The following RYK variants were observed in gnomAD, a reference collection of about 807,000 sequenced individuals.
RYK encodes receptor like tyrosine kinase.
A neutral mutation model predicts 70.2 loss-of-function variants in RYK; 21 were observed. The ratio of observed to expected loss-of-function variants is 0.30; its 90% confidence interval spans 0.21 to 0.43. The LOEUF (loss-of-function observed/expected upper bound fraction) is 0.43, where lower values mean the gene tolerates loss of function less well. Ranked by LOEUF, RYK falls within the 20% of genes least tolerant of loss-of-function variation. RYK has a pLI of 1.00. For synonymous variants in RYK, 267 were observed against 278.0 expected, an observed-to-expected ratio of 0.96 and a Z score of 0.39; for missense variants, 604 against 753.3, an observed-to-expected ratio of 0.80 and a Z score of 2.32.
chr3:134,186,109 C>T (rs2013450535), intron 9 of RYK, among the ~76,000 whole-genome samples: 1 of 152,020 alleles, frequency 6.6e-6, no homozygotes, highest in Non-Finnish European at 1.5e-5. Context: ...TGCTTATTTA[C>T]AAAACTATAA....
At chr3:134,236,551 T>A (rs2015204911) in intron 1 of RYK, among the ~76,000 whole-genome samples, 1 of 152,166 alleles carries the variant, frequency 6.6e-6, no homozygotes, top group Non-Finnish European at 1.5e-5. Context: ...CTGACTCCCA[T>A]TTTTGCACAA....
intron 13 of RYK, among the ~76,000 whole-genome samples, chr3:134,173,534 T>C (rs2012995951): frequency 6.6e-6 from 1 of 152,130 alleles, no homozygotes; most frequent in Admixed American, 6.6e-5. Flanking sequence ...GGCACCTTCC[T>C]CACAGGGTGG....
At position 134,233,634 on chromosome 3, in the gene RYK, C is replaced by T. The variant is rs376964754; in HGVS notation, c.233-11095G>A. The stretch of plus-strand genomic sequence containing the variant: ...AGAACAACAGTTTTCAACAGTTTAT[C>T]TTTCTTTGGAGGAGAGAGGTGATAC... On this transcript the variant is annotated intron_variant, in intron 1 of 14. Coordinates refer to ENST00000623711, the MANE Select transcript of RYK (RefSeq NM_002958.4). 6.6e-5 allele frequency among the ~76,000 whole-genome samples: 10 copies of T among 152,264 alleles called. No individual in the cohort carries two copies. The East Asian group carries it at 7.7e-4, about 12-fold the overall frequency.
intron 1 of RYK, among the ~76,000 whole-genome samples, chr3:134,243,494 T>TGAA: frequency 6.6e-6 from 1 of 152,230 alleles, no homozygotes; most frequent in East Asian, 1.9e-4. Flanking sequence ...AGCAGCTCAC[T>TGAA]GAAGAATTCA....
At chr3:134,216,519 G>A (rs1389253453) in intron 2 of RYK, among the ~76,000 whole-genome samples, 4 of 152,066 alleles carry the variant, frequency 2.6e-5, no homozygotes, top group Admixed American at 6.5e-5. Flanking sequence ...ACGGCCAGGC[G>A]CGGTGGCTCA....
chr3:134,247,634 A>G (rs2015499030), intron 1 of RYK, among the ~76,000 whole-genome samples: 1 of 151,876 alleles, frequency 6.6e-6, no homozygotes, highest in African/African-American at 2.4e-5. Flanking sequence ...CCTTGGAGGC[A>G]GAGGTTGCGG....
At chr3:134,233,573 A>C (rs1437867952) in intron 1 of RYK, among the ~76,000 whole-genome samples, 1 of 152,234 alleles carries the variant, frequency 6.6e-6, no homozygotes, top group East Asian at 1.9e-4. Context: ...CCAGCAACAG[A>C]GCAATAATTA....
intron 13 of RYK, among the ~76,000 whole-genome samples, chr3:134,165,598 G>A (rs1163729797): frequency 6.6e-6 from 1 of 152,202 alleles, no homozygotes; most frequent in Non-Finnish European, 1.5e-5. Context: ...GGACCTCAGT[G>A]CCTCTGGGGT....
chr3:134,233,215 T>C (rs1029424268), intron 1 of RYK, among the ~76,000 whole-genome samples: 8 of 152,260 alleles, frequency 5.3e-5, no homozygotes, highest in African/African-American at 1.9e-4. Flanking sequence ...ATTATGCTTT[T>C]GTTGGTGCTC....
chr3:134,227,253 T>C (rs1017576642), intron 1 of RYK, among the ~76,000 whole-genome samples: 1 of 152,114 alleles, frequency 6.6e-6, no homozygotes, highest in Non-Finnish European at 1.5e-5. Flanking sequence ...CTATAAAACA[T>C]GGCTAAGAAA....
At chr3:134,162,668 G>A (rs2012518736) in intron 13 of RYK, among the ~76,000 whole-genome samples, 1 of 151,796 alleles carries the variant, frequency 6.6e-6, no homozygotes, top group Admixed American at 6.6e-5. Context: ...TACTGTATAT[G>A]AAACTTTTTT....
intron 13 of RYK, among the ~76,000 whole-genome samples, chr3:134,162,212 A>G (rs1189204823): frequency 6.7e-6 from 1 of 150,002 alleles, no homozygotes; most frequent in Non-Finnish European, 1.5e-5. Flanking sequence ...ATTCTGAGGT[A>G]CTGGGGGTTA....
chr3:134,201,249 G>A (rs2014008183), intron 6 of RYK, among the ~76,000 whole-genome samples: 2 of 152,062 alleles, frequency 1.3e-5, no homozygotes. Context: ...CTTCTCATTC[G>A]TATCCCTTTT....
chr3:134,172,200 C>T (rs1365117673), intron 13 of RYK, among the ~76,000 whole-genome samples: 1 of 152,110 alleles, frequency 6.6e-6, no homozygotes, highest in Non-Finnish European at 1.5e-5. Flanking sequence ...ACGAGTGAAT[C>T]CATCTTTTAA....
At chr3:134,174,855 C>T (rs778850297) in intron 13 of RYK, among the ~76,000 whole-genome samples, 10 of 151,830 alleles carry the variant, frequency 6.6e-5, no homozygotes, top group Middle Eastern at 3.2e-3. Flanking sequence ...GGGGGATTTA[C>T]AAATTTTATG....
intron 9 of RYK, among the ~76,000 whole-genome samples, chr3:134,187,899 G>T (rs1204974167): frequency 2.0e-5 from 3 of 151,904 alleles, no homozygotes; most frequent in Non-Finnish European, 2.9e-5. Context: ...AGCATCTGTT[G>T]TAAGTAATTA....
intron 1 of RYK, among the ~76,000 whole-genome samples, chr3:134,244,673 A>T (rs1031712054): frequency 6.6e-6 from 1 of 152,218 alleles, no homozygotes; most frequent in Non-Finnish European, 1.5e-5. Context: ...GTGTTTCAGA[A>T]CTTATACACT....
intron 14 of RYK, among the ~76,000 whole-genome samples, chr3:134,159,004 T>A (rs1051727059): frequency 6.6e-6 from 1 of 152,204 alleles, no homozygotes; most frequent in African/African-American, 2.4e-5. Context: ...TAATTTATAG[T>A]GCTTAGATTA....
At chr3:134,235,363 A>T (rs2015175916) in intron 1 of RYK, among the ~76,000 whole-genome samples, 1 of 152,138 alleles carries the variant, frequency 6.6e-6, no homozygotes, top group Non-Finnish European at 1.5e-5. Context: ...TTTCTAGTCT[A>T]TATCTTTTCC....
Sources: allele counts gnomAD v4.1 joint callset (sites outside exome capture counted in the v4.1 genomes callset), GRCh38; gene constraint gnomAD v4.1.1; transcripts MANE v1.5; gene names NCBI Gene and HGNC (gene_info 2026-07-23, HGNC 2026-07-21).